Variants in HPS4 observed in about 807,000 individuals in gnomAD.
HPS4 encodes the protein BLOC-3 complex member HPS4.
A neutral mutation model predicts 70.3 loss-of-function variants in HPS4; 44 were observed. The observed-to-expected ratio is 0.63, with a 90% CI of 0.49 to 0.80. HPS4 has a LOEUF of 0.80. HPS4 is among the 30% of genes least tolerant of loss of function. The pLI is 0.00. For synonymous variants in HPS4, 377 were observed against 355.9 expected (o/e 1.06, Z -0.67); for missense variants, 873 against 884.4 (o/e 0.99, Z 0.16).
chr22:26,481,904 C>T lies in HPS4; in HGVS notation c.-142G>A. On this transcript the variant is annotated 5_prime_UTR_variant, in exon 2 of 14. Transcript: ENST00000398145. ...GTTTCAGTGTTTTCAGTCACAACTG[C>T]CACTTGGTTAGTTTTCACTCAGCAT... 2 of 800,888 alleles carry T rather than the reference C, an allele frequency of 2.5e-6. No individual in the cohort carries two copies. Among genetic ancestry groups the T allele is most frequent in the Non-Finnish European group, 4.3e-6 (2 of 459,786 alleles). 49.6% of individuals were successfully genotyped at this position (800,888 alleles called of 1,614,324 possible).
intron 13 of HPS4, among the ~76,000 whole-genome samples, chr22:26,454,967 A>G (rs1213670257): frequency 1.3e-5 from 2 of 152,214 alleles, no homozygotes; most frequent in African/African-American, 4.8e-5. Context: ...TGCAGCCAAA[A>G]AACACATGAA....
chr22:26,457,357 C>T (rs954600206), intron 13 of HPS4, among the ~76,000 whole-genome samples: 1 of 151,968 alleles, frequency 6.6e-6, no homozygotes, highest in Non-Finnish European at 1.5e-5. Flanking sequence ...GCTGGGACTA[C>T]AGGCACCCAC....
At position 26,464,447 on chromosome 22, in the gene HPS4, G is replaced by C. The variant is rs774114985; in HGVS notation, c.1183C>G (p.Pro395Ala). ...GHFAFLHVPVPDGRAPYCKAS... is the reference protein window; with the variant it reads ...GHFAFLHVPVADGRAPYCKAS... ...TTGCAGTAAGGAGCCCTGCCATCTG[G>C]AACAGGCACATGTAGGAAGGCAAAA... Residue 395 changes from proline (P) to alanine (A), a missense_variant, in exon 11 of 14, where the codon CCA becomes GCA. Pro to Ala is a conservative substitution (Grantham distance 27). Coordinates refer to ENST00000398145, the MANE Select transcript of HPS4 (RefSeq NM_022081.6). 2 of 1,614,222 alleles carry C rather than the reference G, an allele frequency of 1.2e-6. No homozygotes were observed. The highest frequency in any genetic ancestry group is 1.3e-5 in the African/African-American group (1 of 75,068).
In HPS4 at chr22:26,451,538, T is replaced by C. The variant is rs974782392; in HGVS notation, c.*1695A>G. On this transcript the variant is annotated 3_prime_UTR_variant, in exon 14 of 14. Transcript: ENST00000398145. ...TCCAGGTGCATGAGACTTTTCCATA[T>C]ACACGGATAGGCTTTGTACGGTTCC... is the stretch of plus-strand genomic sequence containing the variant. 1 of 152,214 alleles carries C rather than the reference T, an allele frequency of 6.6e-6. No homozygotes were observed. Among genetic ancestry groups the C allele is most frequent in the Non-Finnish European group, 1.5e-5 (1 of 68,034 alleles). The allele number at this position is 152,214 out of a possible 1,614,324, so 9.4% of individuals were successfully genotyped here. A position where few individuals can be genotyped will look rare whatever the true frequency, so the allele number is the denominator to read the frequency against.
chr22:26,469,937 A>G (rs2089499072), intron 7 of HPS4, among the ~76,000 whole-genome samples: 1 of 152,216 alleles, frequency 6.6e-6, no homozygotes, highest in African/African-American at 2.4e-5. Flanking sequence ...TATTTCCCAG[A>G]AGAGAAAATT....
chr22:26,468,714 G>T, intron 7 of HPS4, 91 bp from the exon 8 acceptor site: 1 of 1,208,616 alleles, frequency 8.3e-7, no homozygotes, highest in South Asian at 1.3e-5. Context: ...CCGTGTTGAC[G>T]AGGATCTTGG....
downstream of HPS4, among the ~76,000 whole-genome samples, chr22:26,450,157 A>G (rs2085095489): frequency 6.6e-6 from 1 of 152,254 alleles, no homozygotes; most frequent in East Asian, 1.9e-4. Context: ...ACTCAACCAC[A>G]TCTGCAAACA....
Position 26,460,789 on chromosome 22 carries a change from A to G in HPS4, c.1714-2212T>C, listed in dbSNP as rs2087095359. 2.0e-5 allele frequency among the ~76,000 whole-genome samples: 3 copies of G among 152,238 alleles called. No homozygotes were observed. The South Asian group carries it at 6.2e-4, about 31-fold the overall frequency. On this transcript the variant is annotated intron_variant, in intron 11 of 13. Transcript: ENST00000398145. ...TCTTTGTACAGTCTGAGACCTAAGA[A>G]TGGTTTTTATATTTTTTTACTTGGT...
rs139039617 is a variant in HPS4, at chr22:26,464,212, C to T, written c.1418G>A (p.Arg473His). The change falls in exon 11 of 14, where the codon CGC (arginine) becomes CAC (histidine). Residue 473 changes from arginine to histidine, a missense_variant. Coordinates refer to ENST00000398145, the MANE Select transcript of HPS4 (RefSeq NM_022081.6). The part of the protein sequence containing the change: ...RRTRRPLLLP[R>H]LDPGQRGNKL... ...GTTTCCTCTCTGTCCTGGATCTAAGCGAGGCAATAACAAGGGCCTGCGGGT... is the reference window on the plus strand; with the variant it reads ...GTTTCCTCTCTGTCCTGGATCTAAGTGAGGCAATAACAAGGGCCTGCGGGT... The T allele has an allele frequency of 2.8e-5, 46 of 1,614,066 alleles. No individual in the cohort carries two copies. Among genetic ancestry groups the T allele is most frequent in the Non-Finnish European group, 3.4e-5 (40 of 1,180,048 alleles).
rs752726222 is a variant in HPS4, at chr22:26,472,352, T to G, written c.451A>C (p.Ser151Arg). ...GAATTGAAAATCTTATGCAGATCACTGGTGTTTTTCAGAATTTGCTCGATG... is the reference window on the plus strand; with the variant it reads ...GAATTGAAAATCTTATGCAGATCACGGGTGTTTTTCAGAATTTGCTCGATG... ...TFIEQILKNT[S>R]DLHKIFNSLW... The change falls in exon 6 of 14, where the codon AGT becomes CGT. Residue 151 changes from serine (S) to arginine (R), a missense_variant. By Grantham distance (110) the Ser-to-Arg change is moderately radical. Transcript: ENST00000398145. 6.2e-7 allele frequency: 1 copy of G among 1,613,874 alleles called. No homozygotes were observed. Among genetic ancestry groups the G allele is most frequent in the Non-Finnish European group, 8.5e-7 (1 of 1,179,714 alleles).
At position 26,458,478 on chromosome 22, in the gene HPS4, T is replaced by A; in HGVS notation, c.1813A>T (p.Thr605Ser). The change falls in exon 12 of 14, where the codon ACA becomes TCA. Residue 605 changes from threonine to serine, a missense_variant. Transcript: ENST00000398145. ...AAGCTCTGAATGCGGTCGTAATGTG[T>A]GAAGTTGTAGGTGCTGCTCGTGGAG... The part of the protein sequence containing the change: ...AASTSSTYNF[T>S]HYDRIQSLLM... 6.2e-7 allele frequency: 1 copy of A among 1,614,078 alleles called. No homozygotes were observed. Among genetic ancestry groups the A allele is most frequent in the South Asian group, 1.1e-5 (1 of 91,086 alleles).
chr22:26,471,071 G>A (rs1181034857), intron 6 of HPS4: 1 of 614,314 alleles, frequency 1.6e-6, no homozygotes, highest in Non-Finnish European at 2.9e-6. Flanking sequence ...CAGCAAATAT[G>A]GCATATGGCT....
At chr22:26,461,386 G>A (rs1192978856) in intron 11 of HPS4, among the ~76,000 whole-genome samples, 3 of 152,132 alleles carry the variant, frequency 2.0e-5, no homozygotes, top group Non-Finnish European at 2.9e-5. Flanking sequence ...GACTATCAGC[G>A]GCTCTATGCT....
chr22:26,452,002 GCGCACACACACACACA>G lies in HPS4; in HGVS notation c.*1215_*1230del, dbSNP rs1253936447. 5.3e-4 allele frequency: 46 copies of G among 86,870 alleles called. 1 individual carries two copies. In the East Asian group the frequency reaches 9.7e-3, roughly 18 times the overall value. The allele number at this position is 86,870 out of a possible 1,614,324, so 5.4% of individuals were successfully genotyped here. On this transcript the variant is annotated 3_prime_UTR_variant, in exon 14 of 14. Transcript: ENST00000398145. The stretch of plus-strand genomic sequence containing the variant: ...GCCCACGTTACGCGCGCGCGCGCGC[GCGCACACACACACACA>G]CACACACACACACACACACACACAC...
chr22:26,450,519 C>A (rs1318068573), downstream of HPS4, among the ~76,000 whole-genome samples: 4 of 152,242 alleles, frequency 2.6e-5, no homozygotes, highest in Non-Finnish European at 5.9e-5. Flanking sequence ...GGGGAGGAGA[C>A]AGTTTGATCA....
Position 26,481,756 on chromosome 22 carries a change from T to A in HPS4, c.7A>T (p.Thr3Ser). 1 of 1,614,052 alleles carries A rather than the reference T, an allele frequency of 6.2e-7. No individual in the cohort carries two copies. The highest frequency in any genetic ancestry group is 8.5e-7 in the Non-Finnish European group (1 of 1,179,904). The change falls in exon 2 of 14, where the codon ACC (threonine) becomes TCC (serine). Residue 3 changes from threonine to serine, a missense_variant. Physicochemically the swap from Thr to Ser is moderately conservative, Grantham distance 58. Transcript: ENST00000398145. ...GACTTTGCCTCTGTGGAGGTAGAGG[T>A]GGCCATCTACTGTGCAGTCATCCTC... Reference protein sequence around the residue: MATSTSTEAKSAS... With the variant: MASSTSTEAKSAS...
Position 26,464,686 on chromosome 22 carries a change from T to C in HPS4, c.944A>G (p.Asp315Gly). 1 of 1,609,830 alleles carries C rather than the reference T, an allele frequency of 6.2e-7. No individual in the cohort carries two copies. Among genetic ancestry groups the C allele is most frequent in the Non-Finnish European group, 8.5e-7 (1 of 1,176,722 alleles). The change falls in exon 11 of 14, where the codon GAC becomes GGC. Residue 315 changes from aspartate to glycine, a missense_variant. Transcript: ENST00000398145. ...AWTTPDPTSPDEACPDGRKEN... is the reference protein window; with the variant it reads ...AWTTPDPTSPGEACPDGRKEN... ...CTTCCTGCCATCTGGACAAGCTTCG[T>C]CAGGGGATGTGGGATCTGGGGTGGT...
intron 13 of HPS4, 185 bp from the exon 14 acceptor site, chr22:26,453,589 C>A: frequency 1.5e-6 from 1 of 671,618 alleles, no homozygotes; most frequent in South Asian, 1.7e-5. Context: ...TACCATCTTT[C>A]CTTCCTTTCA....
intron 10 of HPS4, 63 bp from the exon 11 acceptor site, chr22:26,464,889 C>A: frequency 6.8e-7 from 1 of 1,461,854 alleles, no homozygotes; most frequent in South Asian, 1.3e-5. Flanking sequence ...AGTGCCCTTC[C>A]ACAGTGAAGA....
Sources: gnomAD v4.1 joint callset for allele counts (sites outside exome capture counted in the v4.1 genomes callset) on GRCh38, gnomAD v4.1.1 for gene constraint, MANE v1.5 for transcripts, NCBI Gene and HGNC (gene_info 2026-07-23, HGNC 2026-07-21) for gene names.